Variants in IL6ST observed in about 807,000 individuals in gnomAD.
The protein encoded by IL6ST is interleukin 6 cytokine family signal transducer.
IL6ST carries 24 observed loss-of-function variants against 91.3 expected under a neutral mutation model. The observed-to-expected ratio is 0.26, with a 90% CI of 0.19 to 0.37. The LOEUF (loss-of-function observed/expected upper bound fraction) is 0.37, where lower values mean the gene tolerates loss of function less well. Among genes scored for constraint, IL6ST ranks in the 10% least tolerant of loss-of-function variants. The pLI is 1.00. For synonymous variants in IL6ST, 351 were observed against 373.6 expected (o/e 0.94, Z 0.70); for missense variants, 914 against 1,078.5 (o/e 0.85, Z 2.14).
At chr5:55,971,800 A>C (rs1752982264) in intron 3 of IL6ST, among the ~76,000 whole-genome samples, 1 of 152,192 alleles carries the variant, frequency 6.6e-6, no homozygotes, top group Non-Finnish European at 1.5e-5. Flanking sequence ...AATTAAAAAC[A>C]GTTTTTGCAG....
At chr5:55,981,533 C>T (rs994030764) in intron 2 of IL6ST, among the ~76,000 whole-genome samples, 3 of 152,082 alleles carry the variant, frequency 2.0e-5, no homozygotes, top group African/African-American at 7.2e-5. Flanking sequence ...GTCCCAGCTA[C>T]TCAGGAGGCT....
Position 55,941,329 on chromosome 5 carries a change from A to C in IL6ST, c.2510T>G (p.Val837Gly), listed in dbSNP as rs112330319. Residue 837 changes from valine (V) to glycine (G), a missense_variant, in exon 17 of 17, where the codon GTT becomes GGT. Physicochemically the swap from Val to Gly is moderately radical, Grantham distance 109 (BLOSUM62 -3). Transcript: ENST00000381298. ...AAAATCTTCCTCATTGACTGATGAA[A>C]CTTGCTTTGACCTTTCAAAATGTGA... ...DISHFERSKQ[V>G]SSVNEEDFVR... 10 of 1,613,982 alleles carry C rather than the reference A, an allele frequency of 6.2e-6. No individual in the cohort carries two copies. The Admixed American group carries it at 6.7e-5, about 11-fold the overall frequency.
chr5:55,959,129 T>C (rs1488825483), intron 8 of IL6ST, among the ~76,000 whole-genome samples: 2 of 152,212 alleles, frequency 1.3e-5, no homozygotes, highest in Non-Finnish European at 2.9e-5. Context: ...CACTTGTCCA[T>C]TAAAAATGCA....
intron 4 of IL6ST, among the ~76,000 whole-genome samples, 157 bp from the exon 5 acceptor site, chr5:55,968,553 T>C (rs1752769828): frequency 6.6e-6 from 1 of 152,348 alleles, no homozygotes; most frequent in East Asian, 1.9e-4. Context: ...ACAATTTCTT[T>C]TCTATCCCAA....
chr5:55,947,590 CT>C lies in IL6ST; in HGVS notation c.1841-2del. 1 of 529,516 alleles carries C rather than the reference CT, an allele frequency of 1.9e-6. No individual in the cohort carries two copies. The allele number at this position is 529,516 out of a possible 1,614,324, so 32.8% of individuals were successfully genotyped here. A position where few individuals can be genotyped will look rare whatever the true frequency, so the allele number is the denominator to read the frequency against. On this transcript the variant is annotated splice_acceptor_variant, in intron 14 of 16. Transcript: ENST00000381298. LOFTEE classifies it high-confidence loss of function. Reference sequence around the variant, plus strand: ...ACTATGGCTTCAATTTCTCCTTGAGCTTAAAAAAAAAAAAAAAAAAAAAAAA... The same window carrying C: ...ACTATGGCTTCAATTTCTCCTTGAGCTAAAAAAAAAAAAAAAAAAAAAAAA...
At chr5:55,968,196 ATTAC>A in intron 5 of IL6ST, 76 bp downstream of exon 5, 1 of 1,164,704 alleles carries the variant, frequency 8.6e-7, no homozygotes, top group Non-Finnish European at 1.2e-6. Context: ...ATTTAATATT[ATTAC>A]TTGGTAAAAT....
intron 6 of IL6ST, among the ~76,000 whole-genome samples, chr5:55,963,801 ATACTG>A (rs1427964883): frequency 6.6e-6 from 1 of 152,196 alleles, no homozygotes; most frequent in Non-Finnish European, 1.5e-5. Context: ...TGGAACATAC[ATACTG>A]TAATTACAAT....
At chr5:55,988,110 G>A (rs184521107) in intron 1 of IL6ST, among the ~76,000 whole-genome samples, 28 of 143,240 alleles carry the variant, frequency 2.0e-4, no homozygotes, top group African/African-American at 6.9e-4. Context: ...CAGCCTGGGC[G>A]ACAGAGTGAG....
At chr5:55,990,226 A>G (rs1157780449) in intron 1 of IL6ST, among the ~76,000 whole-genome samples, 1 of 152,148 alleles carries the variant, frequency 6.6e-6, no homozygotes, top group Non-Finnish European at 1.5e-5. Context: ...ATTCACGATC[A>G]ATCAGCTAAT....
In IL6ST at chr5:55,992,048, T is replaced by A. The variant is rs1387826972; in HGVS notation, c.-104+2736A>T. ...CTTTCAGTCTGTGCTTCTACATATATTATTCCAATGTCTTTCCTGACTCTG... is the reference window on the plus strand; with the variant it reads ...CTTTCAGTCTGTGCTTCTACATATAATATTCCAATGTCTTTCCTGACTCTG... On this transcript the variant is annotated intron_variant, in intron 1 of 16. Coordinates refer to ENST00000381298, the MANE Select transcript of IL6ST (RefSeq NM_002184.4). 2.0e-5 allele frequency among the ~76,000 whole-genome samples: 3 copies of A among 152,352 alleles called. No homozygotes were observed. The East Asian group carries it at 5.8e-4, about 29-fold the overall frequency.
chr5:55,982,716 T>C lies in IL6ST; in HGVS notation c.-16+8A>G. The C allele has an allele frequency of 2.5e-6, 1 of 398,288 alleles. No individual in the cohort carries two copies. The highest frequency in any genetic ancestry group is 4.4e-6 in the Non-Finnish European group (1 of 225,886). The allele number at this position is 398,288 out of a possible 1,614,324, so 24.7% of individuals were successfully genotyped here. On this transcript the variant is annotated splice_region_variant and intron_variant, in intron 2 of 16. Coordinates refer to ENST00000381298, the MANE Select transcript of IL6ST (RefSeq NM_002184.4). ...AAACAAAAAATTCAGACAAGATCAA[T>C]TACTTACCCAAATCACAAAATTAGT...
chr5:55,993,144 T>C (rs986638419), intron 1 of IL6ST, among the ~76,000 whole-genome samples: 64 of 152,356 alleles, frequency 4.2e-4, no homozygotes, highest in African/African-American at 1.5e-3. Flanking sequence ...CTGACTCCCA[T>C]TAAAATGAGC....
In IL6ST at chr5:55,940,497, C is replaced by T. The variant is rs574580123; in HGVS notation, c.*585G>A. 1 of 213,476 alleles carries T rather than the reference C, an allele frequency of 4.7e-6. No homozygotes were observed. Among genetic ancestry groups the T allele is most frequent in the South Asian group, 1.9e-4 (1 of 5,344 alleles). The allele number at this position is 213,476 out of a possible 1,614,324, so 13.2% of individuals were successfully genotyped here. A position where few individuals can be genotyped will look rare whatever the true frequency, so the allele number is the denominator to read the frequency against. On this transcript the variant is annotated 3_prime_UTR_variant, in exon 17 of 17. Coordinates refer to ENST00000381298, the MANE Select transcript of IL6ST (RefSeq NM_002184.4). ...TCTCCAGTAATAACTCGCAGCATCACTACCAATGGAAGGGACCTAAGGAAT... is the reference window on the plus strand; with the variant it reads ...TCTCCAGTAATAACTCGCAGCATCATTACCAATGGAAGGGACCTAAGGAAT...
intron 1 of IL6ST, among the ~76,000 whole-genome samples, chr5:55,994,394 T>C (rs1441358154): frequency 6.6e-6 from 1 of 151,932 alleles, no homozygotes; most frequent in African/African-American, 2.4e-5. Context: ...GGAAGGGAAA[T>C]CCACCTCGAG....
intron 13 of IL6ST, 54 bp downstream of exon 13, chr5:55,951,875 T>C: frequency 1.7e-6 from 2 of 1,148,756 alleles, no homozygotes; most frequent in South Asian, 1.5e-5. Context: ...AATTAGTACT[T>C]AAAAGCTTAA....
At chr5:55,973,330 C>A (rs1203812887) in intron 3 of IL6ST, among the ~76,000 whole-genome samples, 8 of 152,172 alleles carry the variant, frequency 5.3e-5, no homozygotes, top group Non-Finnish European at 1.0e-4. Context: ...TTTCCCCCAA[C>A]CACATCAGAT....
chr5:55,976,454 T>A (rs1476577948), intron 2 of IL6ST, 161 bp from the exon 3 acceptor site: 9 of 421,524 alleles, frequency 2.1e-5, no homozygotes. Flanking sequence ...TTTTCTTTAT[T>A]CCCACTGAAG....
At position 55,939,640 on chromosome 5, in the gene IL6ST, C is replaced by T. The variant is rs762146985; in HGVS notation, c.*1442G>A. 14 of 205,378 alleles carry T rather than the reference C, an allele frequency of 6.8e-5. No individual in the cohort carries two copies. Among genetic ancestry groups the T allele is most frequent in the African/African-American group, 9.1e-5 (4 of 43,830 alleles). The allele number at this position is 205,378 out of a possible 1,614,324, so 12.7% of individuals were successfully genotyped here. A position where few individuals can be genotyped will look rare whatever the true frequency, so the allele number is the denominator to read the frequency against. On this transcript the variant is annotated 3_prime_UTR_variant, in exon 17 of 17. Transcript: ENST00000381298. ...GATAGCAGTAGTCAATCACTAATAA[C>T]GCTTGCTAATTTCCTCTTACTTTCT...
chr5:55,982,842 G>A, intron 1 of IL6ST, 31 bp from the exon 2 acceptor site: 1 of 397,922 alleles, frequency 2.5e-6, no homozygotes. Flanking sequence ...TGTTCAGAAG[G>A]CTGGCTTTGA....
Sources: allele counts gnomAD v4.1 joint callset (sites outside exome capture counted in the v4.1 genomes callset), GRCh38; gene constraint gnomAD v4.1.1; transcripts MANE v1.5; gene names NCBI Gene and HGNC (gene_info 2026-07-23, HGNC 2026-07-21).